The following SLC23A1 variants were observed in gnomAD, a reference collection of about 807,000 sequenced individuals.
SLC23A1 encodes Na(+)/L-ascorbic acid transporter 1.
SLC23A1 carries 31 observed loss-of-function variants against 62.5 expected under a neutral mutation model. That is an observed-to-expected ratio of 0.50 (90% CI 0.37 to 0.67). The LOEUF (loss-of-function observed/expected upper bound fraction) is 0.67, where lower values mean the gene tolerates loss of function less well. Among genes scored for constraint, SLC23A1 ranks in the 30% least tolerant of loss-of-function variants. The pLI, the probability that SLC23A1 is intolerant of heterozygous loss-of-function variation, is 0.00. For synonymous variants in SLC23A1, 271 were observed against 313.2 expected (o/e 0.87, Z 1.42); for missense variants, 640 against 782.7 (o/e 0.82, Z 2.18).
chr5:139,378,708 G>A lies in SLC23A1; in HGVS notation c.1074-24C>T. 4 of 1,526,742 alleles carry A rather than the reference G, an allele frequency of 2.6e-6. No individual in the cohort carries two copies. Among genetic ancestry groups the A allele is most frequent in the Non-Finnish European group, 3.6e-6 (4 of 1,114,966 alleles). The allele number at this position is 1,526,742 out of a possible 1,614,324, so 94.6% of individuals were successfully genotyped here. A position where few individuals can be genotyped will look rare whatever the true frequency, so the allele number is the denominator to read the frequency against. ...CCCTGTAAGGAAAGGGAGAGTCGGGGCTTGGTCCAGCCTCTGCACCAGTCT... is the reference window on the plus strand; with the variant it reads ...CCCTGTAAGGAAAGGGAGAGTCGGGACTTGGTCCAGCCTCTGCACCAGTCT... On this transcript the variant is annotated intron_variant, in intron 9 of 14. Coordinates refer to ENST00000348729, the MANE Select transcript of SLC23A1 (RefSeq NM_005847.5). This position sits in a 1 kb window ranked among gnomAD's most constrained non-coding sequence, Gnocchi z 4.5.
At position 139,380,880 on chromosome 5, in the gene SLC23A1, C is replaced by T. The variant is rs369474838; in HGVS notation, c.315G>A (p.Pro105=). ...LIQTTVGIRL[P]LFQASAFAFL... Reference sequence around the variant, plus strand: ...ATGCAAAGGCACTGGCCTGGAACAGCGGCAGCCTGGAGGAGAGGCACAAAG... The same window carrying T: ...ATGCAAAGGCACTGGCCTGGAACAGTGGCAGCCTGGAGGAGAGGCACAAAG... The change falls in exon 4 of 15, where the codon CCG becomes CCA. Residue 105 remains proline, a synonymous_variant. Transcript: ENST00000348729. The T allele has an allele frequency of 5.3e-5, 66 of 1,240,742 alleles. No homozygotes were observed. Among genetic ancestry groups the T allele is most frequent in the Middle Eastern group, 4.5e-4 (2 of 4,402 alleles). 76.9% of individuals were successfully genotyped at this position (1,240,742 alleles called of 1,614,324 possible).
At chr5:139,374,950 G>A (rs545996427) in intron 13 of SLC23A1, among the ~76,000 whole-genome samples, 2 of 152,116 alleles carry the variant, frequency 1.3e-5, no homozygotes, top group East Asian at 1.9e-4. Flanking sequence ...GGGGTACCAT[G>A]TTCAAATAGC....
intron 14 of SLC23A1, among the ~76,000 whole-genome samples, 166 bp from the exon 15 acceptor site, chr5:139,367,797 C>T (rs914915564): frequency 1.3e-5 from 2 of 152,162 alleles, no homozygotes; most frequent in Non-Finnish European, 2.9e-5. Flanking sequence ...TACCATAGTT[C>T]GATTAACAGA....
intron 13 of SLC23A1, 94 bp from the exon 14 acceptor site, chr5:139,372,347 A>G: frequency 8.4e-7 from 1 of 1,187,114 alleles, no homozygotes; most frequent in Non-Finnish European, 1.2e-6. Flanking sequence ...TTCTGGAATC[A>G]AGTATCTTCC....
intron 2 of SLC23A1, 132 bp downstream of exon 2, chr5:139,382,360 G>A: frequency 1.6e-6 from 1 of 612,894 alleles, no homozygotes; most frequent in South Asian, 2.0e-5. Context: ...CCCGACTCCT[G>A]CTTGCTGACA....
upstream of SLC23A1, among the ~76,000 whole-genome samples, chr5:139,383,551 G>T (rs1345752889): frequency 1.3e-5 from 2 of 152,222 alleles, no homozygotes; most frequent in African/African-American, 2.4e-5. Flanking sequence ...GTGAGGACCA[G>T]AAGTTTACCA....
chr5:139,378,674 T>C lies in SLC23A1; in HGVS notation c.1084A>G (p.Thr362Ala). 6.2e-7 allele frequency: 1 copy of C among 1,608,506 alleles called. No homozygotes were observed. The highest frequency in any genetic ancestry group is 8.5e-7 in the Non-Finnish European group (1 of 1,177,402). The stretch of plus-strand genomic sequence containing the variant: ...GCGATGATGCAGCAAATGCCTTCGG[T>C]GAAGATGCCCCTGTAAGGAAAGGGA... ...PVHAINRGIFTEGICCIIAGL... is the reference protein window; with the variant it reads ...PVHAINRGIFAEGICCIIAGL... The change falls in exon 10 of 15, where the codon ACC (threonine) becomes GCC (alanine). Residue 362 changes from threonine to alanine, a missense_variant. By Grantham distance (58) the Thr-to-Ala change is moderately conservative. Coordinates refer to ENST00000348729, the MANE Select transcript of SLC23A1 (RefSeq NM_005847.5). The surrounding 1 kb of genome is among the most constrained non-coding windows in gnomAD (Gnocchi z 4.5).
rs1319309911 is a variant in SLC23A1 at position 139,379,179 on chromosome 5, C to A, written c.1073+28G>T. The A allele has an allele frequency of 1.9e-6, 3 of 1,612,416 alleles. No individual in the cohort carries two copies. Among genetic ancestry groups the A allele is most frequent in the Non-Finnish European group, 2.5e-6 (3 of 1,178,858 alleles). On this transcript the variant is annotated intron_variant, in intron 9 of 14. Coordinates refer to ENST00000348729, the MANE Select transcript of SLC23A1 (RefSeq NM_005847.5). This position sits in a 1 kb window ranked among gnomAD's most constrained non-coding sequence, Gnocchi z 4.7. ...CTTCCTGGGTGGCGCCTGAGGAGAT[C>A]AGATACTGAGGAGGGCAGGTAGGCT...
intron 2 of SLC23A1, 41 bp downstream of exon 2, chr5:139,382,451 G>A (rs757036227): frequency 2.6e-6 from 3 of 1,160,276 alleles, no homozygotes; most frequent in South Asian, 2.5e-5. Context: ...AGTCCCCGGG[G>A]AGTGTGCAGA....
chr5:139,371,006 C>T (rs753402573), intron 14 of SLC23A1, among the ~76,000 whole-genome samples: 2 of 151,734 alleles, frequency 1.3e-5, no homozygotes, highest in Non-Finnish European at 2.9e-5. Context: ...TGCTTGAACC[C>T]GGGAGGTGGA....
upstream of SLC23A1, among the ~76,000 whole-genome samples, chr5:139,383,781 C>A (rs1032928574): frequency 1.3e-5 from 2 of 152,226 alleles, no homozygotes; most frequent in Non-Finnish European, 2.9e-5. Context: ...CCTTTAACAG[C>A]GAAGGAAACA....
chr5:139,381,922 G>T lies in SLC23A1; in HGVS notation c.278C>A (p.Thr93Asn), dbSNP rs1200003975. Residue 93 changes from threonine to asparagine, a missense_variant, in exon 3 of 15, where the codon ACC becomes AAC. Physicochemically the swap from Thr to Asn is moderately conservative, Grantham distance 65. Transcript: ENST00000348729. The stretch of plus-strand genomic sequence containing the variant: ...GCCCACGGTGGTCTGGATGAGAGTG[G>T]TGATGCCCACGCACGTGAAGATGGT... ...IGTIFTCVGI[T>N]TLIQTTVGIR... The T allele has an allele frequency of 4.5e-6, 7 of 1,572,902 alleles. No individual in the cohort carries two copies. The highest frequency in any genetic ancestry group is 6.0e-6 in the Non-Finnish European group (7 of 1,160,454).
At chr5:139,376,740 G>A (rs1268304009) in intron 13 of SLC23A1, among the ~76,000 whole-genome samples, 1 of 152,190 alleles carries the variant, frequency 6.6e-6, no homozygotes, top group African/African-American at 2.4e-5. Flanking sequence ...ATTTGGAGTG[G>A]ATGGATTTTG....
At chr5:139,385,546 G>A (rs536508634), upstream of SLC23A1, among the ~76,000 whole-genome samples, 5 of 152,322 alleles carry the variant, frequency 3.3e-5, no homozygotes, top group South Asian at 6.2e-4. Context: ...CCACAAGGTG[G>A]CCTGCGTGCA....
At position 139,377,483 on chromosome 5, in the gene SLC23A1, CCA is replaced by C; in HGVS notation, c.1466_1467del (p.Val489GlyfsTer23). ...PGAINTGILE[V>X]DQILIVLLTT... Reference sequence around the variant, plus strand: ...GTCAGCAGCACAATCAGAATCTGATCCACTTCAAGAATGCCTGTGGAATAGGC... The same window carrying C: ...GTCAGCAGCACAATCAGAATCTGATCCTTCAAGAATGCCTGTGGAATAGGC... On this transcript the variant is annotated frameshift_variant, in exon 13 of 15. Transcript: ENST00000348729. LOFTEE classifies it high-confidence loss of function. 6.2e-7 allele frequency: 1 copy of C among 1,607,370 alleles called. No homozygotes were observed. Among genetic ancestry groups the C allele is most frequent in the Non-Finnish European group, 8.5e-7 (1 of 1,173,860 alleles).
intron 13 of SLC23A1, among the ~76,000 whole-genome samples, chr5:139,372,668 T>A (rs1241698767): frequency 2.0e-5 from 3 of 152,138 alleles, no homozygotes; most frequent in African/African-American, 7.2e-5. Flanking sequence ...CACTGCCACC[T>A]CCTCCTCCCG....
intron 3 of SLC23A1, among the ~76,000 whole-genome samples, chr5:139,381,588 A>G (rs72552254): frequency 0.041 from 5,698 of 140,212 alleles, 147 homozygotes; most frequent in African/African-American, 0.073. Context: ...AATCCAGCCT[A>G]GGCAACAAGA....
Position 139,382,480 on chromosome 5 carries a change from T to C in SLC23A1, c.150+12A>G. On this transcript the variant is annotated intron_variant, in intron 2 of 14. Transcript: ENST00000348729. ...GTGCAGAGTGAGGGCGGGGAGGCCCTGGGGGACCCACCTGGAAGCCCAGCA... is the reference window on the plus strand; with the variant it reads ...GTGCAGAGTGAGGGCGGGGAGGCCCCGGGGGACCCACCTGGAAGCCCAGCA... The C allele has an allele frequency of 6.5e-7, 1 of 1,548,866 alleles. No homozygotes were observed. Among genetic ancestry groups the C allele is most frequent in the South Asian group, 1.1e-5 (1 of 89,684 alleles).
Position 139,383,239 on chromosome 5 carries a change from C to T in SLC23A1, c.15G>A (p.Glu5=). The change falls in exon 1 of 15, where the codon GAG becomes GAA. Residue 5 remains glutamate (E), a synonymous_variant. Coordinates refer to ENST00000348729, the MANE Select transcript of SLC23A1 (RefSeq NM_005847.5). Reference sequence around the variant, plus strand: ...GCACCTGTGTCCGGCCCTCGAGGTCCTCCTGGGCCCTCATCTTTGGGGCAC... The same window carrying T: ...GCACCTGTGTCCGGCCCTCGAGGTCTTCCTGGGCCCTCATCTTTGGGGCAC... MRAQ[E]DLEGRTQHET... is the part of the protein sequence containing the mutation. 1 of 1,519,292 alleles carries T rather than the reference C, an allele frequency of 6.6e-7. No individual in the cohort carries two copies. The highest frequency in any genetic ancestry group is 8.9e-7 in the Non-Finnish European group (1 of 1,126,286). 94.1% of individuals were successfully genotyped at this position (1,519,292 alleles called of 1,614,324 possible). A position where few individuals can be genotyped will look rare whatever the true frequency, so the allele number is the denominator to read the frequency against.
Sources: allele counts gnomAD v4.1 joint callset (sites outside exome capture counted in the v4.1 genomes callset), GRCh38; gene constraint gnomAD v4.1.1; non-coding constraint Gnocchi (gnomAD v3.1); transcripts MANE v1.5; gene names NCBI Gene and HGNC (gene_info 2026-07-23, HGNC 2026-07-21).